Variants in AOC3 observed in about 807,000 individuals in gnomAD.
AOC3 encodes the protein amine oxidase copper containing 3.
A neutral mutation model predicts 55.4 loss-of-function variants in AOC3; 47 were observed. That is an observed-to-expected ratio of 0.85 (90% CI 0.67 to 1.08). The LOEUF is 1.08. Among genes scored for constraint, AOC3 ranks in the 50% least tolerant of loss-of-function variants. The probability of loss-of-function intolerance (pLI) is 0.00; values close to 1 mark genes in which losing one functional copy is unlikely to be tolerated. For synonymous variants in AOC3, 386 were observed against 410.7 expected (o/e 0.94, Z 0.73); for missense variants, 853 against 993.1 (o/e 0.86, Z 1.90).
chr17:42,851,646 G>C lies in AOC3; in HGVS notation c.303G>C (p.Leu101Phe). 4 of 1,613,086 alleles carry C rather than the reference G, an allele frequency of 2.5e-6. No individual in the cohort carries two copies. The highest frequency in any genetic ancestry group is 3.4e-6 in the Non-Finnish European group (4 of 1,180,024). The change falls in exon 1 of 4, where the codon TTG becomes TTC. Residue 101 changes from leucine to phenylalanine, a missense_variant. Leu to Phe is a conservative substitution (Grantham distance 22, BLOSUM62 0). Transcript: ENST00000308423. ...PSDNCVFSVE[L>F]QLPPKAAALA... The stretch of plus-strand genomic sequence containing the variant: ...ACAACTGTGTCTTCTCAGTGGAGTT[G>C]CAGCTGCCTCCCAAGGCTGCAGCCC...
At position 42,852,156 on chromosome 17, in the gene AOC3, C is replaced by G; in HGVS notation, c.813C>G (p.Tyr271Ter). ...AGGTGTTCTATCAAGGCCGCTACTA[C>G]GACAGCCTGGCCCAGCTGGAGGCCC... ...IQKVFYQGRYYDSLAQLEAQF... is the reference protein window; with the variant it reads ...IQKVFYQGRY The change falls in exon 1 of 4, where the codon TAC (tyrosine) becomes TAG (stop). Residue 271 changes from tyrosine to a stop codon, truncating the protein, a stop_gained. Coordinates refer to ENST00000308423, the MANE Select transcript of AOC3 (RefSeq NM_003734.4). LOFTEE classifies it high-confidence loss of function. 6.2e-7 allele frequency: 1 copy of G among 1,613,290 alleles called. No homozygotes were observed. Among genetic ancestry groups the G allele is most frequent in the South Asian group, 1.1e-5 (1 of 91,070 alleles).
intron 1 of AOC3, 165 bp downstream of exon 1, chr17:42,853,108 T>G: frequency 7.5e-7 from 1 of 1,340,308 alleles, no homozygotes; most frequent in South Asian, 1.6e-5. Context: ...ATTTGGATCT[T>G]AGCTCACTGG....
intron 1 of AOC3, chr17:42,853,332 C>T: frequency 9.8e-7 from 1 of 1,024,358 alleles, no homozygotes; most frequent in Non-Finnish European, 1.2e-6. Flanking sequence ...TGGAGGATCT[C>T]TTTGCATTCT....
rs149423459 is a variant in AOC3 at position 42,852,490 on chromosome 17, C to G, written c.1147C>G (p.Arg383Gly). 18 of 1,614,102 alleles carry G rather than the reference C, an allele frequency of 1.1e-5. No homozygotes were observed. The African/African-American group carries it at 2.1e-4, about 19-fold the overall frequency. ...AAATTCCCCAGCAGCAATGACGACC[C>G]GCTATGTGGATGGAGGCTTTGGCAT... is the stretch of plus-strand genomic sequence containing the variant. Reference protein sequence around the residue: ...GGNSPAAMTTRYVDGGFGMGK... With the variant: ...GGNSPAAMTTGYVDGGFGMGK... Residue 383 changes from arginine to glycine, a missense_variant, in exon 1 of 4, where the codon CGC becomes GGC. Arg to Gly is a moderately radical substitution (Grantham distance 125). Coordinates refer to ENST00000308423, the MANE Select transcript of AOC3 (RefSeq NM_003734.4).
At position 42,856,783 on chromosome 17, in the gene AOC3, C is replaced by G; in HGVS notation, c.*233C>G. 1 of 593,932 alleles carries G rather than the reference C, an allele frequency of 1.7e-6. No homozygotes were observed. Among genetic ancestry groups the G allele is most frequent in the African/African-American group, 1.9e-5 (1 of 53,902 alleles). The allele number at this position is 593,932 out of a possible 1,614,324, so 36.8% of individuals were successfully genotyped here. On this transcript the variant is annotated 3_prime_UTR_variant, in exon 4 of 4. Transcript: ENST00000308423. ...GCCAGCTGTACTGAGTTCTCATCCA[C>G]AGAGGCCAGGCATGGCCCAGCCTGG...
At position 42,852,740 on chromosome 17, in the gene AOC3, C is replaced by A. The variant is rs1162735322; in HGVS notation, c.1397C>A (p.Ser466Tyr). The change falls in exon 1 of 4, where the codon TCC becomes TAC. Residue 466 changes from serine (S) to tyrosine (Y), a missense_variant. Transcript: ENST00000308423. ...AETVLVVRSM[S>Y]TLLNYDYVWD... The stretch of plus-strand genomic sequence containing the variant: ...ACGGTGCTGGTCGTCAGATCTATGT[C>A]CACCTTGCTCAACTATGACTATGTG... 6.2e-7 allele frequency: 1 copy of A among 1,614,108 alleles called. No individual in the cohort carries two copies. The highest frequency in any genetic ancestry group is 1.3e-5 in the African/African-American group (1 of 74,930).
chr17:42,856,461 G>A lies in AOC3; in HGVS notation c.2203G>A (p.Glu735Lys), dbSNP rs1381184947. The change falls in exon 4 of 4, where the codon GAG becomes AAG. Residue 735 changes from glutamate (E) to lysine (K), a missense_variant. Physicochemically the swap from Glu to Lys is moderately conservative, Grantham distance 56 (BLOSUM62 1). Coordinates refer to ENST00000308423, the MANE Select transcript of AOC3 (RefSeq NM_003734.4). ...AGGGGACCAGGATGCTGGGGCCTGC[G>A]AGGTCAACCCCCTAGCTTGCCTGCC... Reference protein sequence around the residue: ...FRGDQDAGACEVNPLACLPQA... With the variant: ...FRGDQDAGACKVNPLACLPQA... 12 of 1,613,384 alleles carry A rather than the reference G, an allele frequency of 7.4e-6. No homozygotes were observed. Among genetic ancestry groups the A allele is most frequent in the Admixed American group, 3.3e-5 (2 of 59,950 alleles).
chr17:42,854,655 A>G lies in AOC3; in HGVS notation c.1808A>G (p.Tyr603Cys). The G allele has an allele frequency of 1.3e-6, 2 of 1,542,238 alleles. No homozygotes were observed. The highest frequency in any genetic ancestry group is 1.8e-6 in the Non-Finnish European group (2 of 1,139,032). Residue 603 changes from tyrosine (Y) to cysteine (C), a missense_variant, in exon 2 of 4, where the codon TAC (tyrosine) becomes TGC (cysteine). Transcript: ENST00000308423. ...HSNKWGHPRG[Y>C]RIQMLSFAGE... ...AACAAGTGGGGTCACCCCCGGGGCTACCGCATCCAGATGCTCAGCTTTGCT... is the reference window on the plus strand; with the variant it reads ...AACAAGTGGGGTCACCCCCGGGGCTGCCGCATCCAGATGCTCAGCTTTGCT...
chr17:42,855,068 A>G (rs2055730821), intron 2 of AOC3, among the ~76,000 whole-genome samples: 1 of 152,072 alleles, frequency 6.6e-6, no homozygotes, highest in Non-Finnish European at 1.5e-5. Context: ...GCTGGTCTCG[A>G]ACTCCTGACC....
In AOC3 at chr17:42,852,254, C is replaced by CT. The variant is rs2055681339; in HGVS notation, c.911_912insT (p.Val306CysfsTer46). On this transcript the variant is annotated frameshift_variant, in exon 1 of 4. Transcript: ENST00000308423. LOFTEE classifies it high-confidence loss of function. ...ACAGGTGGGTCCTGGTCCCTGAAGT[C>CT]CCCTGTGCCCCCGGGTCCAGCTCCC... 6.2e-7 allele frequency: 1 copy of CT among 1,613,662 alleles called. No individual in the cohort carries two copies. Among genetic ancestry groups the CT allele is most frequent in the Non-Finnish European group, 8.5e-7 (1 of 1,179,934 alleles).
intron 1 of AOC3, 139 bp downstream of exon 1, chr17:42,853,082 T>C (rs2055699164): frequency 7.4e-7 from 1 of 1,342,592 alleles, no homozygotes; most frequent in South Asian, 1.6e-5. Context: ...TGGGAGAGAG[T>C]TGGCTGCTGA....
chr17:42,856,443 C>A lies in AOC3; in HGVS notation c.2185C>A (p.Gln729Lys), dbSNP rs1409597891. Residue 729 changes from glutamine to lysine, a missense_variant, in exon 4 of 4, where the codon CAG becomes AAG. Coordinates refer to ENST00000308423, the MANE Select transcript of AOC3 (RefSeq NM_003734.4). ...CGACTCCATCTACTTCCGAGGGGAC[C>A]AGGATGCTGGGGCCTGCGAGGTCAA... ...SADSIYFRGD[Q>K]DAGACEVNPL... is the part of the protein sequence containing the mutation. 3.7e-6 allele frequency: 6 copies of A among 1,614,088 alleles called. No individual in the cohort carries two copies. In the Admixed American group the frequency reaches 1.0e-4, roughly 27 times the overall value.
rs2055737651 is a variant in AOC3, at chr17:42,855,527, CTG to C, written c.1973_1974del (p.Val658GlyfsTer4). ...AATCAGAATGACCCTTGGGCCCCCA[CTG>C]TGGATTTCAGTGACTTCATCAACAA... On this transcript the variant is annotated frameshift_variant, in exon 3 of 4. Coordinates refer to ENST00000308423, the MANE Select transcript of AOC3 (RefSeq NM_003734.4). LOFTEE classifies it high-confidence loss of function. 1 of 1,613,962 alleles carries C rather than the reference CTG, an allele frequency of 6.2e-7. No individual in the cohort carries two copies. Among genetic ancestry groups the C allele is most frequent in the African/African-American group, 1.3e-5 (1 of 74,916 alleles).
In AOC3 at chr17:42,852,643, C is replaced by T; in HGVS notation, c.1300C>T (p.Gln434Ter). The T allele has an allele frequency of 1.9e-6, 3 of 1,614,232 alleles. No individual in the cohort carries two copies. The highest frequency in any genetic ancestry group is 2.5e-6 in the Non-Finnish European group (3 of 1,180,048). ...TIRDAFCVFE[Q>*]NQGLPLRRHH... The stretch of plus-strand genomic sequence containing the variant: ...ACGTGATGCCTTTTGTGTGTTTGAA[C>T]AGAACCAGGGCCTCCCCCTGCGGCG... The change falls in exon 1 of 4, where the codon CAG becomes TAG. Residue 434 changes from glutamine (Q) to a stop codon, truncating the protein, a stop_gained. Transcript: ENST00000308423. LOFTEE classifies it high-confidence loss of function.
intron 1 of AOC3, 160 bp from the exon 2 acceptor site, chr17:42,854,288 G>T: frequency 1.9e-6 from 1 of 522,862 alleles, no homozygotes. Flanking sequence ...CAACAGCTTT[G>T]GCTAAAGGAT....
chr17:42,854,925 C>T (rs35717118), intron 2 of AOC3, among the ~76,000 whole-genome samples, 192 bp downstream of exon 2: 19 of 150,592 alleles, frequency 1.3e-4, no homozygotes, highest in African/African-American at 3.9e-4. Context: ...AATCTCACTG[C>T]ATCCTCCGCC....
intron 1 of AOC3, chr17:42,853,462 A>C: frequency 1.1e-6 from 1 of 923,934 alleles, no homozygotes; most frequent in Non-Finnish European, 1.3e-6. Context: ...GTGAGGGGTC[A>C]CATGGATCCC....
At position 42,855,488 on chromosome 17, in the gene AOC3, G is replaced by A. The variant is rs758084237; in HGVS notation, c.1931G>A (p.Ser644Asn). Residue 644 changes from serine to asparagine, a missense_variant, in exon 3 of 4, where the codon AGC (serine) becomes AAC (asparagine). Coordinates refer to ENST00000308423, the MANE Select transcript of AOC3 (RefSeq NM_003734.4). ...VTQRKEEEPS[S>N]SSVFNQNDPW... ...CAGCGGAAGGAGGAGGAGCCCAGTA[G>A]CAGCAGCGTTTTCAATCAGAATGAC... 1.2e-6 allele frequency: 2 copies of A among 1,612,360 alleles called. No individual in the cohort carries two copies. The highest frequency in any genetic ancestry group is 1.7e-5 in the Admixed American group (1 of 59,716).
Position 42,851,216 on chromosome 17 carries a change from T to C in AOC3, c.-128T>C, listed in dbSNP as rs1033033294. ...CCACCCTTAGTCCCAGGCATCTGAC[T>C]ACCGGGAACCTCAGCCAGAGTCCGG... On this transcript the variant is annotated 5_prime_UTR_variant, in exon 1 of 4. Transcript: ENST00000308423. 1.9e-5 allele frequency: 16 copies of C among 836,758 alleles called. No homozygotes were observed. The African/African-American group carries it at 2.0e-4, about 11-fold the overall frequency. The allele number at this position is 836,758 out of a possible 1,614,324, so 51.8% of individuals were successfully genotyped here. A position where few individuals can be genotyped will look rare whatever the true frequency, so the allele number is the denominator to read the frequency against.
Sources: allele counts gnomAD v4.1 joint callset (sites outside exome capture counted in the v4.1 genomes callset), GRCh38; gene constraint gnomAD v4.1.1; transcripts MANE v1.5; gene names NCBI Gene and HGNC (gene_info 2026-07-23, HGNC 2026-07-21).